CDYL2: variants seen among roughly 807,000 people sequenced by gnomAD.
CDYL2 encodes chromodomain Y-like protein 2.
In CDYL2, 23 loss-of-function variants were observed where a neutral mutation model predicts 49.4. The ratio of observed to expected loss-of-function variants is 0.47; its 90% CI spans 0.34 to 0.66. The LOEUF (loss-of-function observed/expected upper bound fraction) is 0.66. Ranked by LOEUF, CDYL2 falls within the 30% of genes least tolerant of loss-of-function variation. The probability of loss-of-function intolerance (pLI) is 0.01; values close to 1 mark genes in which losing one functional copy is unlikely to be tolerated. For synonymous variants in CDYL2, 360 were observed against 268.8 expected (o/e 1.34, Z -3.32); for missense variants, 678 against 656.4 (o/e 1.03, Z -0.36).
intron 2 of CDYL2, chr16:80,639,736 C>T (rs1160753530): frequency 2.2e-6 from 1 of 455,996 alleles, no homozygotes; most frequent in South Asian, 1.5e-5. Flanking sequence ...AGTCTTGAAT[C>T]ACAAACGCCA....
rs1163381034 is a variant in CDYL2 at position 80,715,004 on chromosome 16, C to T, written c.25-29875G>A. Among the ~76,000 whole-genome samples, 4 of 151,982 alleles carry T rather than the reference C, an allele frequency of 2.6e-5. No individual in the cohort carries two copies. The East Asian group carries it at 5.8e-4, about 22-fold the overall frequency. On this transcript the variant is annotated intron_variant, in intron 1 of 6. Coordinates refer to ENST00000570137, the MANE Select transcript of CDYL2 (RefSeq NM_152342.4). ...GTCACTAAGGATCAGAGACAGAATCCCCAGAGAGAAACATCAACAGACACT... is the reference window on the plus strand; with the variant it reads ...GTCACTAAGGATCAGAGACAGAATCTCCAGAGAGAAACATCAACAGACACT...
chr16:80,770,515 G>C (rs1906870177), intron 1 of CDYL2, among the ~76,000 whole-genome samples: 1 of 151,970 alleles, frequency 6.6e-6, no homozygotes. Context: ...ATCTGCTAAA[G>C]CCCAGAAAGT....
At chr16:80,728,196 T>C (rs1280182470) in intron 1 of CDYL2, among the ~76,000 whole-genome samples, 1 of 151,884 alleles carries the variant, frequency 6.6e-6, no homozygotes, top group African/African-American at 2.4e-5. Context: ...TTAAAAACTT[T>C]GAAAAAAATT....
intron 1 of CDYL2, among the ~76,000 whole-genome samples, chr16:80,793,552 A>T (rs965891242): frequency 6.6e-6 from 1 of 152,328 alleles, no homozygotes. Flanking sequence ...AACATTTTCA[A>T]CCATTCATTC....
chr16:80,779,636 A>C (rs1336391204), intron 1 of CDYL2, among the ~76,000 whole-genome samples: 2 of 152,156 alleles, frequency 1.3e-5, no homozygotes, highest in African/African-American at 4.8e-5. Flanking sequence ...ACTAAAACAA[A>C]GTGATAAAAT....
intron 2 of CDYL2, among the ~76,000 whole-genome samples, chr16:80,636,353 A>G (rs548315915): frequency 6.6e-6 from 1 of 152,312 alleles, no homozygotes; most frequent in South Asian, 2.1e-4. Context: ...AACTTAAACA[A>G]ATTTACAAGA....
intron 2 of CDYL2, among the ~76,000 whole-genome samples, chr16:80,658,391 C>T (rs1019414802): frequency 2.6e-5 from 4 of 152,062 alleles, no homozygotes; most frequent in African/African-American, 9.7e-5. Flanking sequence ...AGGGGAAGAA[C>T]AAATACAAAT....
intron 1 of CDYL2, among the ~76,000 whole-genome samples, chr16:80,789,964 T>C (rs183974274): frequency 6.6e-6 from 1 of 152,230 alleles, no homozygotes; most frequent in Admixed American, 6.5e-5. Flanking sequence ...CTGGGTACAA[T>C]ATGATGGCTA....
intron 1 of CDYL2, among the ~76,000 whole-genome samples, chr16:80,781,592 A>G (rs1353505429): frequency 1.3e-5 from 2 of 152,204 alleles, no homozygotes; most frequent in Non-Finnish European, 2.9e-5. Flanking sequence ...CATTCTTCTC[A>G]GGTACACATG....
rs566174128 is a variant in CDYL2 at position 80,743,895 on chromosome 16, T to G, written c.25-58766A>C. On this transcript the variant is annotated intron_variant, in intron 1 of 6. Transcript: ENST00000570137. ...GAACACAGGCTTGGCACCCAGTAAG[T>G]GGTAAAGAGATCACTTAGTGGTTGC... is the stretch of plus-strand genomic sequence containing the variant. Among the ~76,000 whole-genome samples the G allele has an allele frequency of 1.6e-4, 24 of 152,170 alleles. No homozygotes were observed. The Middle Eastern group carries it at 0.01, about 65-fold the overall frequency.
rs558097156 is a variant in CDYL2 at position 80,789,379 on chromosome 16, A to T, written c.24+14771T>A. Among the ~76,000 whole-genome samples the T allele has an allele frequency of 5.9e-5, 9 of 152,292 alleles. No homozygotes were observed. In the East Asian group the frequency reaches 1.7e-3, roughly 29 times the overall value. ...GCACTTTGGAAGGCCGAGGGGGTGGATCACGAGGTCAGGAGTTCAAGACCA... is the reference window on the plus strand; with the variant it reads ...GCACTTTGGAAGGCCGAGGGGGTGGTTCACGAGGTCAGGAGTTCAAGACCA... On this transcript the variant is annotated intron_variant, in intron 1 of 6. Transcript: ENST00000570137.
intron 2 of CDYL2, among the ~76,000 whole-genome samples, chr16:80,667,779 G>A (rs1909328269): frequency 6.6e-6 from 1 of 152,210 alleles, no homozygotes. Context: ...ACAAGCCAGC[G>A]AATATGTTAA....
At chr16:80,699,516 T>C (rs909894070) in intron 1 of CDYL2, among the ~76,000 whole-genome samples, 1 of 102,052 alleles carries the variant, frequency 9.8e-6, no homozygotes, top group Admixed American at 9.2e-5. Context: ...CTGTGAAGAA[T>C]AGCACGAACA....
chr16:80,623,232 G>A (rs551867180), intron 3 of CDYL2, among the ~76,000 whole-genome samples: 2 of 152,132 alleles, frequency 1.3e-5, no homozygotes, highest in Admixed American at 1.3e-4. Flanking sequence ...GTCCACATGC[G>A]CCTCTGGGGC....
intron 1 of CDYL2, among the ~76,000 whole-genome samples, chr16:80,753,276 T>A (rs552181285): frequency 5.3e-5 from 8 of 150,482 alleles, no homozygotes; most frequent in South Asian, 4.2e-4. Context: ...AAAAAAAAAA[T>A]TTAATCTTGA....
At position 80,764,929 on chromosome 16, in the gene CDYL2, T is replaced by G. The variant is rs372222481; in HGVS notation, c.24+39221A>C. Among the ~76,000 whole-genome samples the G allele has an allele frequency of 4.4e-4, 66 of 150,644 alleles. No homozygotes were observed. The Middle Eastern group carries it at 0.01, about 23-fold the overall frequency. ...CAAAAAATTAGCCGGGTGCAGTGGT[T>G]GGCGCCTGTAGTCCCAGCTACTCAG... On this transcript the variant is annotated intron_variant, in intron 1 of 6. Transcript: ENST00000570137.
At chr16:80,788,943 T>C (rs1207188405) in intron 1 of CDYL2, among the ~76,000 whole-genome samples, 1 of 152,046 alleles carries the variant, frequency 6.6e-6, no homozygotes, top group East Asian at 1.9e-4. Flanking sequence ...TTTTCAACCA[T>C]TAAAAACTGG....
Position 80,776,018 on chromosome 16 carries a change from T to A in CDYL2, c.24+28132A>T, listed in dbSNP as rs1236249222. Among the ~76,000 whole-genome samples, 6 of 152,116 alleles carry A rather than the reference T, an allele frequency of 3.9e-5. No individual in the cohort carries two copies. In the East Asian group the frequency reaches 1.2e-3, roughly 29 times the overall value. On this transcript the variant is annotated intron_variant, in intron 1 of 6. Transcript: ENST00000570137. ...TATATGTCATAACCTCTGGTCATAA[T>A]GCATAAAAACTTGAAGTTATATGCA... is the stretch of plus-strand genomic sequence containing the variant.
intron 1 of CDYL2, among the ~76,000 whole-genome samples, chr16:80,752,007 G>C (rs759003836): frequency 6.6e-6 from 1 of 152,070 alleles, no homozygotes; most frequent in Non-Finnish European, 1.5e-5. Context: ...GCAGGACCAA[G>C]TGTCAAAATA....
Sources: gnomAD v4.1 joint callset for allele counts (sites outside exome capture counted in the v4.1 genomes callset) on GRCh38, gnomAD v4.1.1 for gene constraint, MANE v1.5 for transcripts, NCBI Gene and HGNC (gene_info 2026-07-23, HGNC 2026-07-21) for gene names.